AUTS2: variants seen among roughly 807,000 people sequenced by gnomAD.
AUTS2 encodes the protein activator of transcription and developmental regulator AUTS2.
Under a neutral mutation model 112.4 loss-of-function variants are expected in AUTS2, and 17 were observed. The observed-to-expected ratio is 0.15, with a 90% CI of 0.10 to 0.23. The LOEUF (loss-of-function observed/expected upper bound fraction) is 0.23, where lower values mean the gene tolerates loss of function less well. Among genes scored for constraint, AUTS2 ranks in the 10% least tolerant of loss-of-function variants. The probability of loss-of-function intolerance (pLI) is 1.00; values close to 1 mark genes in which losing one functional copy is unlikely to be tolerated. For missense variants in AUTS2, 1,510 were observed against 1,701.6 expected, an observed-to-expected ratio of 0.89 and a Z score of 1.98; for synonymous variants, 751 against 702.7, an observed-to-expected ratio of 1.07 and a Z score of -1.09.
intron 2 of AUTS2, among the ~76,000 whole-genome samples, chr7:70,019,388 C>T (rs915992466): frequency 2.0e-5 from 3 of 152,080 alleles, no homozygotes; most frequent in Non-Finnish European, 4.4e-5. Flanking sequence ...ATGTAAGAGA[C>T]CTCCACATAG....
chr7:70,310,133 C>CTTT (rs5884778), intron 4 of AUTS2, among the ~76,000 whole-genome samples: 1 of 139,868 alleles, frequency 7.1e-6, no homozygotes, highest in Non-Finnish European at 1.6e-5. Flanking sequence ...CAAACTAAAT[C>CTTT]TTTTTTTTTT....
intron 4 of AUTS2, among the ~76,000 whole-genome samples, chr7:70,175,629 G>T (rs924675127): frequency 1.3e-5 from 2 of 152,118 alleles, no homozygotes; most frequent in Non-Finnish European, 2.9e-5. Flanking sequence ...AGTCTGATCA[G>T]TCAGCAACCA....
At chr7:70,505,234 C>CT (rs1798917057) in intron 5 of AUTS2, among the ~76,000 whole-genome samples, 2 of 152,116 alleles carry the variant, frequency 1.3e-5, no homozygotes, top group South Asian at 2.1e-4. Context: ...TAAAGACTTC[C>CT]TTTTTGGATG....
At chr7:70,257,622 G>GTTTT (rs768640377) in intron 4 of AUTS2, among the ~76,000 whole-genome samples, 2 of 139,754 alleles carry the variant, frequency 1.4e-5, no homozygotes, top group African/African-American at 5.2e-5. Context: ...CTGGCCTGAA[G>GTTTT]TTTTTTTTTT....
At chr7:70,106,693 C>A (rs1456305191) in intron 2 of AUTS2, among the ~76,000 whole-genome samples, 2 of 152,126 alleles carry the variant, frequency 1.3e-5, no homozygotes, top group Admixed American at 6.5e-5. Flanking sequence ...GCACTCCAGG[C>A]TGAGCAATAA....
intron 4 of AUTS2, among the ~76,000 whole-genome samples, chr7:70,244,877 T>C (rs970045009): frequency 4.6e-5 from 7 of 152,008 alleles, no homozygotes; most frequent in African/African-American, 1.4e-4. Flanking sequence ...CCCAGCACTT[T>C]GGGAGGCTGA....
chr7:69,631,814 C>A (rs141336263), intron 1 of AUTS2, among the ~76,000 whole-genome samples: 1 of 152,198 alleles, frequency 6.6e-6, no homozygotes, highest in Non-Finnish European at 1.5e-5. Flanking sequence ...TCTTTAACTG[C>A]TGTGGAAAGT....
intron 5 of AUTS2, among the ~76,000 whole-genome samples, chr7:70,682,115 A>T (rs1462529216): frequency 6.6e-6 from 1 of 152,188 alleles, no homozygotes; most frequent in Non-Finnish European, 1.5e-5. Context: ...GAAAGGACAG[A>T]ACCCATGGCC....
intron 5 of AUTS2, among the ~76,000 whole-genome samples, chr7:70,498,712 A>G (rs1460236706): frequency 2.0e-5 from 3 of 152,166 alleles, no homozygotes; most frequent in Admixed American, 6.5e-5. Context: ...TCTTTCATTT[A>G]TTTTAACTGA....
intron 5 of AUTS2, among the ~76,000 whole-genome samples, chr7:70,632,861 G>C (rs776886045): frequency 2.0e-5 from 3 of 152,018 alleles, no homozygotes; most frequent in African/African-American, 7.2e-5. Context: ...CTGGTGGCTC[G>C]AAACACCCCT....
intron 1 of AUTS2, among the ~76,000 whole-genome samples, chr7:69,776,103 C>T (rs564869073): frequency 6.6e-6 from 1 of 152,232 alleles, no homozygotes; most frequent in Non-Finnish European, 1.5e-5. Flanking sequence ...TCGTGGTTAT[C>T]GTCATCATAT....
chr7:69,732,855 G>A (rs1202430519), intron 1 of AUTS2, among the ~76,000 whole-genome samples: 1 of 152,202 alleles, frequency 6.6e-6, no homozygotes, highest in African/African-American at 2.4e-5. Flanking sequence ...TCCTGGCACA[G>A]CTTTTATTCT....
At chr7:70,231,243 A>G (rs545530379) in intron 4 of AUTS2, among the ~76,000 whole-genome samples, 10 of 152,336 alleles carry the variant, frequency 6.6e-5, no homozygotes, top group African/African-American at 2.2e-4. Flanking sequence ...TACATGCTAC[A>G]AAGTACACTC....
intron 4 of AUTS2, among the ~76,000 whole-genome samples, chr7:70,397,380 T>A (rs1484109353): frequency 6.6e-6 from 1 of 152,148 alleles, no homozygotes; most frequent in African/African-American, 2.4e-5. Flanking sequence ...TTAGCCATTC[T>A]AATACACATG....
intron 4 of AUTS2, among the ~76,000 whole-genome samples, chr7:70,388,155 T>C (rs1043608409): frequency 2.0e-5 from 3 of 152,232 alleles, no homozygotes; most frequent in Non-Finnish European, 4.4e-5. Flanking sequence ...GTTGAAATCC[T>C]CTCATCCTTC....
intron 1 of AUTS2, among the ~76,000 whole-genome samples, chr7:69,842,383 G>A (rs547816247): frequency 3.3e-5 from 5 of 152,174 alleles, no homozygotes; most frequent in Non-Finnish European, 7.4e-5. Context: ...AGGACATTGT[G>A]TGTTGACGCT....
chr7:70,624,812 A>T (rs899894100), intron 5 of AUTS2, among the ~76,000 whole-genome samples: 2 of 152,034 alleles, frequency 1.3e-5, no homozygotes, highest in South Asian at 2.1e-4. Flanking sequence ...GGGTGTAGAG[A>T]TAGGAAAGAA....
chr7:70,529,259 T>C (rs546019596), intron 5 of AUTS2, among the ~76,000 whole-genome samples: 6 of 152,356 alleles, frequency 3.9e-5, no homozygotes, highest in Non-Finnish European at 8.8e-5. Flanking sequence ...GATAGCAGTG[T>C]AGATTGCATG....
chr7:69,924,870 G>A (rs1434624817), intron 2 of AUTS2, among the ~76,000 whole-genome samples: 1 of 152,128 alleles, frequency 6.6e-6, no homozygotes, highest in Non-Finnish European at 1.5e-5. Flanking sequence ...TTTCTTAAAT[G>A]ATAGGTAGAA....
Sources: allele counts gnomAD v4.1 joint callset (sites outside exome capture counted in the v4.1 genomes callset), GRCh38; gene constraint gnomAD v4.1.1; transcripts MANE v1.5; gene names NCBI Gene and HGNC (gene_info 2026-07-23, HGNC 2026-07-21).